FANCL: variants seen among roughly 807,000 people sequenced by gnomAD.
FANCL encodes E3 ubiquitin-protein ligase FANCL.
A neutral mutation model predicts 59.4 loss-of-function variants in FANCL; 69 were observed. The ratio of observed to expected loss-of-function variants is 1.16; its 90% confidence interval spans 0.96 to 1.42. The LOEUF (loss-of-function observed/expected upper bound fraction) is 1.42. Ranked by LOEUF, FANCL falls within the 40% of genes most tolerant of loss-of-function variation. The pLI, the probability that FANCL is intolerant of heterozygous loss-of-function variation, is 0.00. For missense variants in FANCL, 519 were observed against 447.2 expected (o/e 1.16, Z -1.45); for synonymous variants, 180 against 147.1 (o/e 1.22, Z -1.62).
intron 5 of FANCL, among the ~76,000 whole-genome samples, chr2:58,211,930 A>G (rs1362090181): frequency 6.6e-6 from 1 of 152,280 alleles, no homozygotes; most frequent in Admixed American, 6.5e-5. Flanking sequence ...GGAAGTTCCA[A>G]ACTCTCCCAC....
chr2:58,180,842 G>C (rs745306555), intron 7 of FANCL, among the ~76,000 whole-genome samples: 1 of 151,734 alleles, frequency 6.6e-6, no homozygotes, highest in Non-Finnish European at 1.5e-5. Flanking sequence ...AATGTGCAAA[G>C]TAATCAAAAA....
intron 7 of FANCL, among the ~76,000 whole-genome samples, chr2:58,181,333 T>C (rs1432865391): frequency 1.3e-5 from 2 of 152,018 alleles, no homozygotes; most frequent in African/African-American, 2.4e-5. Flanking sequence ...GTTTATAATA[T>C]CTGGAATAGA....
In FANCL at chr2:58,193,259, TTTG is replaced by T. The variant is rs201729929; in HGVS notation, c.540+5332_540+5334del. Among the ~76,000 whole-genome samples the T allele has an allele frequency of 5.9e-3, 894 of 152,186 alleles. 12 individuals carry two copies. The highest frequency in any genetic ancestry group is 0.02 in the African/African-American group (844 of 41,572). ...ATCAATGATATTTTTTAAATGAAAC[TTTG>T]TTAAGTGACAAGCATAGTTTCAAAA... On this transcript the variant is annotated intron_variant, in intron 7 of 13. Coordinates refer to ENST00000233741, the MANE Select transcript of FANCL (RefSeq NM_018062.4).
intron 1 of FANCL, among the ~76,000 whole-genome samples, chr2:58,235,142 T>C (rs1693900425): frequency 6.6e-6 from 1 of 151,716 alleles, no homozygotes; most frequent in Non-Finnish European, 1.5e-5. Flanking sequence ...TCGCAAGGTA[T>C]AGTACCAAGC....
intron 11 of FANCL, among the ~76,000 whole-genome samples, chr2:58,162,067 T>G (rs769338663): frequency 2.0e-5 from 3 of 151,918 alleles, no homozygotes; most frequent in African/African-American, 7.2e-5. Context: ...ATCAGTAATA[T>G]TCCCATATCA....
chr2:58,219,140 T>TAAAAAAAAAAAAAAAAAAAAAAAAA (rs70954881), intron 5 of FANCL, among the ~76,000 whole-genome samples: 1 of 16,604 alleles, frequency 6.0e-5, no homozygotes, highest in Non-Finnish European at 1.3e-4. Context: ...AAATACATGC[T>TAAAAAAAAAAAAAAAAAAAAAAAAA]AAAAAAAAAA....
intron 4 of FANCL, among the ~76,000 whole-genome samples, chr2:58,225,716 G>A (rs1379288887): frequency 3.3e-5 from 5 of 151,916 alleles, no homozygotes; most frequent in Non-Finnish European, 7.4e-5. Context: ...AAAGAAAGTA[G>A]AATATGTTAA....
intron 7 of FANCL, among the ~76,000 whole-genome samples, chr2:58,171,407 G>A (rs1435074679): frequency 6.6e-6 from 1 of 152,128 alleles, no homozygotes; most frequent in Non-Finnish European, 1.5e-5. Context: ...ATAACGAAAT[G>A]CCCACATGAG....
chr2:58,226,909 A>G (rs190702997), intron 3 of FANCL, 125 bp from the exon 4 acceptor site: 28 of 779,734 alleles, frequency 3.6e-5, no homozygotes, highest in Admixed American at 1.7e-4. Context: ...TCTGAAAACT[A>G]TAAGAAATGA....
At chr2:58,160,923 A>G (rs1685058003) in intron 12 of FANCL, among the ~76,000 whole-genome samples, 2 of 151,982 alleles carry the variant, frequency 1.3e-5, no homozygotes, top group African/African-American at 4.8e-5. Context: ...ATAGTTACAC[A>G]CAGTTTATCA....
intron 2 of FANCL, among the ~76,000 whole-genome samples, chr2:58,231,673 C>A (rs1436959821): frequency 6.6e-6 from 1 of 152,150 alleles, no homozygotes; most frequent in Admixed American, 6.5e-5. Context: ...TAAGCCAGGA[C>A]TGAACTGATG....
chr2:58,188,128 A>G (rs1041781698), intron 7 of FANCL, among the ~76,000 whole-genome samples: 4 of 152,150 alleles, frequency 2.6e-5, no homozygotes, highest in Non-Finnish European at 5.9e-5. Flanking sequence ...TCACTTACAG[A>G]TATCTAATTG....
At chr2:58,216,320 T>C (rs1475387908) in intron 5 of FANCL, among the ~76,000 whole-genome samples, 1 of 152,150 alleles carries the variant, frequency 6.6e-6, no homozygotes, top group Admixed American at 6.5e-5. Context: ...CTAAACCCTG[T>C]ACAGAAGAAA....
At chr2:58,187,863 AC>A (rs1442264951) in intron 7 of FANCL, among the ~76,000 whole-genome samples, 1 of 152,140 alleles carries the variant, frequency 6.6e-6, no homozygotes, top group Non-Finnish European at 1.5e-5. Context: ...TGATTTGCAA[AC>A]ATTTTCCAGT....
intron 5 of FANCL, among the ~76,000 whole-genome samples, chr2:58,215,275 G>C (rs549809453): frequency 5.9e-4 from 90 of 152,170 alleles, no homozygotes; most frequent in Non-Finnish European, 1.1e-3. Context: ...CCTCACCATT[G>C]TTATGCTTAA....
chr2:58,207,196 T>G (rs1393950714), intron 5 of FANCL, among the ~76,000 whole-genome samples: 1 of 152,072 alleles, frequency 6.6e-6, no homozygotes, highest in East Asian at 1.9e-4. Flanking sequence ...TACTCTCCTT[T>G]CCTGTAGACT....
chr2:58,181,507 T>G (rs537260631), intron 7 of FANCL, among the ~76,000 whole-genome samples: 1 of 152,014 alleles, frequency 6.6e-6, no homozygotes, highest in African/African-American at 2.4e-5. Flanking sequence ...CTTTACTGTT[T>G]CCAAATTTTA....
intron 5 of FANCL, among the ~76,000 whole-genome samples, chr2:58,216,255 C>T (rs1691710223): frequency 6.6e-6 from 1 of 152,124 alleles, no homozygotes; most frequent in Non-Finnish European, 1.5e-5. Flanking sequence ...CATCCTGAAC[C>T]CACTTGGGCC....
chr2:58,240,562 A>T (rs1694430757), intron 1 of FANCL, among the ~76,000 whole-genome samples: 1 of 152,236 alleles, frequency 6.6e-6, no homozygotes, highest in Non-Finnish European at 1.5e-5. Flanking sequence ...TTTCTGCCTC[A>T]AAGGGCTGAG....
Sources: gnomAD v4.1 joint callset for allele counts (sites outside exome capture counted in the v4.1 genomes callset) on GRCh38, gnomAD v4.1.1 for gene constraint, MANE v1.5 for transcripts, NCBI Gene and HGNC (gene_info 2026-07-23, HGNC 2026-07-21) for gene names.